TBC1D22A: variants seen among roughly 807,000 people sequenced by gnomAD.
The protein encoded by TBC1D22A is putative GTPase activator.
TBC1D22A carries 38 observed loss-of-function variants against 60.2 expected under a neutral mutation model. That is an observed-to-expected ratio of 0.63 (90% confidence interval 0.49 to 0.83). The LOEUF is 0.83. Among genes scored for constraint, TBC1D22A ranks in the 40% least tolerant of loss-of-function variants. The pLI, the probability that TBC1D22A is intolerant of heterozygous loss-of-function variation, is 0.00. For missense variants in TBC1D22A, 628 were observed against 701.0 expected (o/e 0.90, Z 1.18); for synonymous variants, 302 against 281.7 (o/e 1.07, Z -0.72).
chr22:47,078,877 T>C (rs1569424835), intron 11 of TBC1D22A, among the ~76,000 whole-genome samples: 1 of 152,100 alleles, frequency 6.6e-6, no homozygotes, highest in African/African-American at 2.4e-5. Context: ...TGTAGTATGA[T>C]AGAGAGTATT....
intron 10 of TBC1D22A, among the ~76,000 whole-genome samples, chr22:47,000,798 C>T (rs574659010): frequency 6.6e-6 from 1 of 150,732 alleles, no homozygotes; most frequent in South Asian, 2.1e-4. Flanking sequence ...CTGGATAAGA[C>T]CTTTTTGTTT....
At chr22:47,008,775 G>A (rs1236440343) in intron 10 of TBC1D22A, among the ~76,000 whole-genome samples, 1 of 152,208 alleles carries the variant, frequency 6.6e-6, no homozygotes, top group African/African-American at 2.4e-5. Context: ...AGAGCCTTCT[G>A]TCCCTTCTTC....
At chr22:47,067,582 C>G (rs1231140892) in intron 11 of TBC1D22A, among the ~76,000 whole-genome samples, 16 of 152,186 alleles carry the variant, frequency 1.1e-4, no homozygotes, top group Non-Finnish European at 1.5e-5. Flanking sequence ...AAGATGCCTG[C>G]TCAGAGTGGC....
chr22:47,033,733 G>A (rs893608956), intron 10 of TBC1D22A, among the ~76,000 whole-genome samples: 1 of 152,216 alleles, frequency 6.6e-6, no homozygotes, highest in Non-Finnish European at 1.5e-5. Flanking sequence ...TGCCCTGGTG[G>A]AAGGCTGCCA....
chr22:46,921,214 A>G (rs942911276), intron 8 of TBC1D22A, among the ~76,000 whole-genome samples: 13 of 152,298 alleles, frequency 8.5e-5, no homozygotes, highest in Middle Eastern at 3.4e-3. Context: ...CCCGAGAGGT[A>G]GTTTCTCGAT....
chr22:47,004,107 C>T (rs1290629937), intron 10 of TBC1D22A, among the ~76,000 whole-genome samples: 3 of 150,474 alleles, frequency 2.0e-5, no homozygotes, highest in African/African-American at 7.4e-5. Context: ...ATACACACAC[C>T]CCTTCACAGA....
intron 12 of TBC1D22A, among the ~76,000 whole-genome samples, chr22:47,137,801 T>C (rs1451917040): frequency 2.0e-5 from 3 of 152,076 alleles, no homozygotes; most frequent in Admixed American, 6.6e-5. Flanking sequence ...GTGGGGTCCC[T>C]GCCAGTGGGG....
At chr22:47,005,743 C>G (rs2061567838) in intron 10 of TBC1D22A, among the ~76,000 whole-genome samples, 1 of 151,446 alleles carries the variant, frequency 6.6e-6, no homozygotes, top group Non-Finnish European at 1.5e-5. Flanking sequence ...TACATGTACA[C>G]TCCCGTATAC....
rs1415629379 is a variant in TBC1D22A at position 46,990,889 on chromosome 22, C to G, written c.1126-6745C>G. On this transcript the variant is annotated intron_variant, in intron 9 of 12. Transcript: ENST00000337137. This position sits in a 1 kb window ranked among gnomAD's most constrained non-coding sequence, Gnocchi z 4.6. ...TGGATGGCCTCCTCCTGCTGGTGTGCCGCTTTACTCTGCTGGTTGGCCCGT... is the reference window on the plus strand; with the variant it reads ...TGGATGGCCTCCTCCTGCTGGTGTGGCGCTTTACTCTGCTGGTTGGCCCGT... 6.6e-6 allele frequency among the ~76,000 whole-genome samples: 1 copy of G among 152,170 alleles called. No individual in the cohort carries two copies. Among genetic ancestry groups the G allele is most frequent in the African/African-American group, 2.4e-5 (1 of 41,432 alleles).
At chr22:46,963,734 AT>A (rs2073659922) in intron 8 of TBC1D22A, among the ~76,000 whole-genome samples, 1 of 152,154 alleles carries the variant, frequency 6.6e-6, no homozygotes, top group Non-Finnish European at 1.5e-5. Flanking sequence ...GCTCTTCTGC[AT>A]TCTGGGGCCG....
chr22:47,089,182 A>G (rs530110981), intron 11 of TBC1D22A, among the ~76,000 whole-genome samples: 214 of 152,340 alleles, frequency 1.4e-3, no homozygotes, highest in South Asian at 0.012. Flanking sequence ...GCAGAAAGAC[A>G]CATGATTGGG....
chr22:46,776,539 G>T (rs1196628542), intron 1 of TBC1D22A, among the ~76,000 whole-genome samples: 3 of 151,980 alleles, frequency 2.0e-5, no homozygotes, highest in Admixed American at 2.0e-4. Flanking sequence ...GAAGGTTTCT[G>T]AGCAGGAGTG....
intron 4 of TBC1D22A, among the ~76,000 whole-genome samples, chr22:46,872,449 A>G (rs926217781): frequency 5.3e-5 from 8 of 152,218 alleles, no homozygotes; most frequent in Non-Finnish European, 8.8e-5. Flanking sequence ...GCCTTAACCT[A>G]TGAAGGAGTA....
intron 4 of TBC1D22A, among the ~76,000 whole-genome samples, chr22:46,826,577 G>C (rs2086075908): frequency 6.6e-6 from 1 of 152,168 alleles, no homozygotes; most frequent in African/African-American, 2.4e-5. Flanking sequence ...GGCTTTTCGT[G>C]TCCTGGTGTC....
intron 5 of TBC1D22A, among the ~76,000 whole-genome samples, chr22:46,879,054 C>T (rs1275031314): frequency 6.6e-6 from 1 of 150,628 alleles, no homozygotes; most frequent in Non-Finnish European, 1.5e-5. Context: ...GGAGTTGAAA[C>T]AGGGAAATAT....
intron 12 of TBC1D22A, among the ~76,000 whole-genome samples, chr22:47,140,368 G>T (rs1012628526): frequency 2.6e-5 from 4 of 151,774 alleles, no homozygotes; most frequent in Non-Finnish European, 5.9e-5. Context: ...TCAGGAGATC[G>T]AGACCACAGT....
In TBC1D22A at chr22:47,104,308, A is replaced by T. The variant is rs898234413; in HGVS notation, c.1330-7200A>T. On this transcript the variant is annotated intron_variant, in intron 11 of 12. Transcript: ENST00000337137. ...GGGTGACAGAGTGAGACTCTGTCTC[A>T]AAAACAAAAAAGAATCTCTATTAAC... Among the ~76,000 whole-genome samples the T allele has an allele frequency of 7.9e-5, 12 of 152,146 alleles. No individual in the cohort carries two copies. In the South Asian group the frequency reaches 2.3e-3, roughly 29 times the overall value.
Position 46,946,404 on chromosome 22 carries a change from G to A in TBC1D22A, c.1016-27886G>A, listed in dbSNP as rs1010538377. ...GCCTTGGTGCTCCCTGCTCCCCCTTGTTCCTTCAGGAGGCTGGTGAGCCTC... is the reference window on the plus strand; with the variant it reads ...GCCTTGGTGCTCCCTGCTCCCCCTTATTCCTTCAGGAGGCTGGTGAGCCTC... On this transcript the variant is annotated intron_variant, in intron 8 of 12. Coordinates refer to ENST00000337137, the MANE Select transcript of TBC1D22A (RefSeq NM_014346.5). Among the ~76,000 whole-genome samples the A allele has an allele frequency of 2.0e-5, 3 of 152,208 alleles. No homozygotes were observed. In the East Asian group the frequency reaches 5.8e-4, roughly 29 times the overall value.
chr22:47,004,480 C>G (rs767543181), intron 10 of TBC1D22A, among the ~76,000 whole-genome samples: 9 of 150,074 alleles, frequency 6.0e-5, no homozygotes, highest in Non-Finnish European at 1.2e-4. Context: ...ACATACACAC[C>G]CTGCACACAT....
Sources: gnomAD v4.1 joint callset for allele counts (sites outside exome capture counted in the v4.1 genomes callset) on GRCh38, gnomAD v4.1.1 for gene constraint, Gnocchi (gnomAD v3.1) non-coding constraint, MANE v1.5 for transcripts, NCBI Gene and HGNC (gene_info 2026-07-23, HGNC 2026-07-21) for gene names.